Variants in ANKZF1 observed in about 807,000 individuals in gnomAD.
The protein encoded by ANKZF1 is tRNA endonuclease ANKZF1.
In ANKZF1, 84 loss-of-function variants were observed where a neutral mutation model predicts 86.0. That is an observed-to-expected ratio of 0.98 (90% CI 0.82 to 1.17). ANKZF1 has a LOEUF of 1.17. ANKZF1 is among the 50% of genes most tolerant of loss of function. The probability of loss-of-function intolerance (pLI) is 0.00; values close to 1 mark genes in which losing one functional copy is unlikely to be tolerated. For missense variants in ANKZF1, 893 were observed against 918.4 expected (o/e 0.97, Z 0.36); for synonymous variants, 331 against 354.2 (o/e 0.93, Z 0.74).
chr2:219,234,381 A>T, intron 9 of ANKZF1, 93 bp downstream of exon 9: 1 of 1,479,606 alleles, frequency 6.8e-7, no homozygotes, highest in Non-Finnish European at 9.4e-7. Context: ...CCATTTCCTT[A>T]TTTAAACACA....
In ANKZF1 at chr2:219,235,530, A is replaced by C. The variant is rs1559258663; in HGVS notation, c.1748A>C (p.Glu583Ala). 1.2e-6 allele frequency: 2 copies of C among 1,613,950 alleles called. No homozygotes were observed. Among genetic ancestry groups the C allele is most frequent in the South Asian group, 1.1e-5 (1 of 91,084 alleles). Residue 583 changes from glutamate to alanine, a missense_variant, in exon 11 of 14, where the codon GAG becomes GCG. Glu to Ala is a moderately radical substitution (Grantham distance 107, BLOSUM62 -1). Coordinates refer to ENST00000323348, the MANE Select transcript of ANKZF1 (RefSeq NM_018089.3). ...GCGGCTGACAAATCAACACGTAATG[A>C]GTTCCGAAGGTTCATGGAGAAGAAT... ...TVAADKSTRNEFRRFMEKNPD... is the reference protein window; with the variant it reads ...TVAADKSTRNAFRRFMEKNPD...
In ANKZF1 at chr2:219,232,277, T is replaced by G. The variant is rs772525207; in HGVS notation, c.279T>G (p.Leu93=). 55 of 1,614,114 alleles carry G rather than the reference T, an allele frequency of 3.4e-5. No individual in the cohort carries two copies. The highest frequency in any genetic ancestry group is 3.9e-5 in the Non-Finnish European group (46 of 1,180,032). Residue 93 remains leucine (L), a synonymous_variant, in exon 4 of 14, where the codon CTT becomes CTG. Coordinates refer to ENST00000323348, the MANE Select transcript of ANKZF1 (RefSeq NM_018089.3). The stretch of plus-strand genomic sequence containing the variant: ...TGTACTAGAGGGAACATTATAAGCT[T>G]GACTGGCATCGGTTTAACCTAAAGC... ...NHQEQREHYK[L]DWHRFNLKQR...
Position 219,236,344 on chromosome 2 carries a change from T to G in ANKZF1, c.2080T>G (p.Ser694Ala), listed in dbSNP as rs1210610465. The G allele has an allele frequency of 6.2e-7, 1 of 1,614,148 alleles. No homozygotes were observed. Among genetic ancestry groups the G allele is most frequent in the East Asian group, 2.2e-5 (1 of 44,882 alleles). ...CAGACGCTGCTGGAGTTGTGGGGCATCCCTCCAAGGCCTGACTCCCTTTCA... is the reference window on the plus strand; with the variant it reads ...CAGACGCTGCTGGAGTTGTGGGGCAGCCCTCCAAGGCCTGACTCCCTTTCA... ...NTRRCWSCGA[S>A]LQGLTPFHYL... Residue 694 changes from serine (S) to alanine (A), a missense_variant, in exon 14 of 14, where the codon TCC becomes GCC. Transcript: ENST00000323348.
In ANKZF1 at chr2:219,231,228, A is replaced by G. The variant is rs532008670; in HGVS notation, c.149-700A>G. ...TAAACAATCTGTTTGGCTAATTTAA[A>G]TTAGACAAGACTCAAACTCAGCCAG... On this transcript the variant is annotated intron_variant, in intron 2 of 13. Transcript: ENST00000323348. 3.4e-5 allele frequency: 6 copies of G among 175,518 alleles called. No homozygotes were observed. The East Asian group carries it at 8.6e-4, about 25-fold the overall frequency. 10.9% of individuals were successfully genotyped at this position (175,518 alleles called of 1,614,324 possible).
chr2:219,234,293 G>A lies in ANKZF1; in HGVS notation c.1204+5G>A, dbSNP rs769601581. The A allele has an allele frequency of 2.5e-6, 4 of 1,613,838 alleles. No homozygotes were observed. The highest frequency in any genetic ancestry group is 2.2e-5 in the South Asian group (2 of 91,076). ...ATGAGGAATCTCCCAAACAGGGTTT[G>A]ATTACTATCTGGCAACTGTCAGATC... is the stretch of plus-strand genomic sequence containing the variant. On this transcript the variant is annotated splice_donor_5th_base_variant and intron_variant, in intron 9 of 13. Transcript: ENST00000323348.
intron 5 of ANKZF1, 99 bp downstream of exon 5, chr2:219,232,782 C>G (rs1951082141): frequency 7.5e-7 from 1 of 1,327,446 alleles, no homozygotes; most frequent in Non-Finnish European, 1.0e-6. Context: ...TCTCTTCCTT[C>G]CTGTTGGTTG....
chr2:219,233,139 T>C lies in ANKZF1; in HGVS notation c.619T>C (p.Cys207Arg), dbSNP rs766934730. ...CCTGCAAAGTAGAGGTCCCAGAGAC[T>C]GCGTGGTGCTCATGGCTGCAGCTGG... ...QNLQSRGPRD[C>R]VVLMAAAGHF... is the part of the protein sequence containing the mutation. Residue 207 changes from cysteine to arginine, a missense_variant, in exon 6 of 14, where the codon TGC becomes CGC. Coordinates refer to ENST00000323348, the MANE Select transcript of ANKZF1 (RefSeq NM_018089.3). 3.7e-6 allele frequency: 6 copies of C among 1,614,122 alleles called. No homozygotes were observed. Among genetic ancestry groups the C allele is most frequent in the Non-Finnish European group, 5.1e-6 (6 of 1,180,054 alleles).
chr2:219,230,381 C>G lies in ANKZF1; in HGVS notation c.124C>G (p.Arg42Gly), dbSNP rs1308671007. 2 of 1,611,354 alleles carry G rather than the reference C, an allele frequency of 1.2e-6. No individual in the cohort carries two copies. The highest frequency in any genetic ancestry group is 1.1e-5 in the South Asian group (1 of 90,864). The change falls in exon 2 of 14, where the codon CGG (arginine) becomes GGG (glycine). Residue 42 changes from arginine to glycine, a missense_variant. By Grantham distance (125) the Arg-to-Gly change is moderately radical. Transcript: ENST00000323348. Reference protein sequence around the residue: ...VSHAPGEALARAPRTSCSGSG... With the variant: ...VSHAPGEALAGAPRTSCSGSG... ...CCACGCGCCTGGGGAGGCTCTGGCC[C>G]GGGCTCCGCGTACTTCCTGTTCAGG...
At chr2:219,232,709 C>G (rs1951080409) in intron 5 of ANKZF1, 26 bp downstream of exon 5, 1 of 1,602,362 alleles carries the variant, frequency 6.2e-7, no homozygotes, top group Admixed American at 1.7e-5. Context: ...GGTTGCATGG[C>G]TAACCCCAGC....
intron 3 of ANKZF1, 76 bp from the exon 4 acceptor site, chr2:219,232,184 A>G (rs1559252876): frequency 5.4e-6 from 8 of 1,487,224 alleles, no homozygotes; most frequent in East Asian, 4.5e-5. Flanking sequence ...CTAGAATACT[A>G]TAACTGGTCT....
Position 219,232,529 on chromosome 2 carries a change from C to T in ANKZF1, c.404C>T (p.Ser135Leu). Residue 135 changes from serine (S) to leucine (L), a missense_variant, in exon 5 of 14, where the codon TCA (serine) becomes TTA (leucine). Ser to Leu is a moderately radical substitution (Grantham distance 145, BLOSUM62 -2). Transcript: ENST00000323348. Reference sequence around the variant, plus strand: ...ATCTCGGGATCAGAAGACTCAGACTCAGCCAGTGAGGAGGACTTGCAGACA... The same window carrying T: ...ATCTCGGGATCAGAAGACTCAGACTTAGCCAGTGAGGAGGACTTGCAGACA... ...SSISGSEDSD[S>L]ASEEDLQTLD... 1 of 1,614,224 alleles carries T rather than the reference C, an allele frequency of 6.2e-7. No individual in the cohort carries two copies. The highest frequency in any genetic ancestry group is 1.1e-5 in the South Asian group (1 of 91,086).
chr2:219,236,466 G>T lies in ANKZF1; in HGVS notation c.*21G>T. On this transcript the variant is annotated 3_prime_UTR_variant, in exon 14 of 14. Transcript: ENST00000323348. Reference sequence around the variant, plus strand: ...CCTGATCTCTTACAGCTCTACCTGGGGCCAACTCAGGGACCTGAGAGGGCA... The same window carrying T: ...CCTGATCTCTTACAGCTCTACCTGGTGCCAACTCAGGGACCTGAGAGGGCA... 6.4e-7 allele frequency: 1 copy of T among 1,552,710 alleles called. No individual in the cohort carries two copies. The highest frequency in any genetic ancestry group is 1.2e-5 in the South Asian group (1 of 81,840).
Position 219,232,375 on chromosome 2 carries a change from A to AG in ANKZF1, c.364+18dup, listed in dbSNP as rs1481040435. 6.2e-7 allele frequency: 1 copy of AG among 1,613,626 alleles called. No homozygotes were observed. The highest frequency in any genetic ancestry group is 8.5e-7 in the Non-Finnish European group (1 of 1,179,508). ...CAGAGCTCCACAGGTGATGAGTGGT[A>AG]GGGGGACCTATGTAGGAGTAGGACA... On this transcript the variant is annotated intron_variant, in intron 4 of 13. Coordinates refer to ENST00000323348, the MANE Select transcript of ANKZF1 (RefSeq NM_018089.3).
At chr2:219,231,832 ATCC>A (rs762700331) in intron 2 of ANKZF1, 93 bp from the exon 3 acceptor site, 5 of 1,007,304 alleles carry the variant, frequency 5.0e-6, no homozygotes, top group Admixed American at 3.8e-5. Flanking sequence ...TCTCTTTTGT[ATCC>A]TCCTCTGCTT....
At position 219,233,957 on chromosome 2, in the gene ANKZF1, C is replaced by G. The variant is rs1363059569; in HGVS notation, c.1048+14C>G. ...TGCATGTCTATGGTGAGCCTTTGCT[C>G]CAGATCCCAATTCCCTAGACCTTCC... is the stretch of plus-strand genomic sequence containing the variant. On this transcript the variant is annotated intron_variant, in intron 8 of 13. Coordinates refer to ENST00000323348, the MANE Select transcript of ANKZF1 (RefSeq NM_018089.3). The G allele has an allele frequency of 1.9e-6, 3 of 1,554,322 alleles. 1 individual carries two copies. The Admixed American group carries it at 5.9e-5, about 31-fold the overall frequency.
intron 3 of ANKZF1, 67 bp downstream of exon 3, chr2:219,232,107 C>T: frequency 2.7e-6 from 4 of 1,465,822 alleles, no homozygotes; most frequent in Non-Finnish European, 3.7e-6. Flanking sequence ...GAGAGGTAGA[C>T]ATTTGATTTG....
At position 219,234,982 on chromosome 2, in the gene ANKZF1, C is replaced by T. The variant is rs981613108; in HGVS notation, c.1361C>T (p.Ala454Val). ...KEKSRDQEAG[A>V]HRTLLQQTQE... ...AAAAGCCGAGACCAGGAGGCTGGGGCACATCGGACTCTTCTCCAGCAAACT... is the reference window on the plus strand; with the variant it reads ...AAAAGCCGAGACCAGGAGGCTGGGGTACATCGGACTCTTCTCCAGCAAACT... The change falls in exon 10 of 14, where the codon GCA (alanine) becomes GTA (valine). Residue 454 changes from alanine (A) to valine (V), a missense_variant. Coordinates refer to ENST00000323348, the MANE Select transcript of ANKZF1 (RefSeq NM_018089.3). 6.2e-7 allele frequency: 1 copy of T among 1,614,220 alleles called. No homozygotes were observed. The highest frequency in any genetic ancestry group is 8.5e-7 in the Non-Finnish European group (1 of 1,180,048).
rs1951067390 is a variant in ANKZF1, at chr2:219,232,351, A to T, written c.353A>T (p.Gln118Leu). The change falls in exon 4 of 14, where the codon CAG becomes CTG. Residue 118 changes from glutamine to leucine, a missense_variant. By Grantham distance (113) the Gln-to-Leu change is moderately radical. Coordinates refer to ENST00000323348, the MANE Select transcript of ANKZF1 (RefSeq NM_018089.3). ...CTGTCTGCCCTGGACTTTGAAAAGC[A>T]GAGCTCCACAGGTGATGAGTGGTAG... ...PLLSALDFEK[Q>L]SSTGDLSSIS... is the part of the protein sequence containing the mutation. The T allele has an allele frequency of 6.2e-7, 1 of 1,614,106 alleles. No homozygotes were observed. The highest frequency in any genetic ancestry group is 8.5e-7 in the Non-Finnish European group (1 of 1,180,012).
chr2:219,235,462 T>G lies in ANKZF1; in HGVS notation c.1692-12T>G. ...GGCAAGTTAAACCCATTTTTGGAGT[T>G]TTTGCACCTAGGGACTCTCGGGCCC... is the stretch of plus-strand genomic sequence containing the variant. On this transcript the variant is annotated splice_polypyrimidine_tract_variant and intron_variant, in intron 10 of 13. Coordinates refer to ENST00000323348, the MANE Select transcript of ANKZF1 (RefSeq NM_018089.3). 6.2e-7 allele frequency: 1 copy of G among 1,613,362 alleles called. No individual in the cohort carries two copies. The highest frequency in any genetic ancestry group is 8.5e-7 in the Non-Finnish European group (1 of 1,179,644).
Sources: gnomAD v4.1 joint callset for allele counts on GRCh38, gnomAD v4.1.1 for gene constraint, MANE v1.5 for transcripts, NCBI Gene and HGNC (gene_info 2026-07-23, HGNC 2026-07-21) for gene names.